The following EBF4 variants were observed in gnomAD, a reference collection of about 807,000 sequenced individuals.
EBF4 encodes the protein transcription factor COE4.
In EBF4, 34 loss-of-function variants were observed where a neutral mutation model predicts 67.1. The observed-to-expected ratio is 0.51, with a 90% CI of 0.39 to 0.67. The LOEUF (loss-of-function observed/expected upper bound fraction) is 0.67. Ranked by LOEUF, EBF4 falls within the 30% of genes least tolerant of loss-of-function variation. EBF4 has a pLI of 0.00. For synonymous variants in EBF4, 387 were observed against 377.7 expected, an observed-to-expected ratio of 1.02 and a Z score of -0.29; for missense variants, 837 against 873.3, an observed-to-expected ratio of 0.96 and a Z score of 0.52.
At chr20:2,741,427 G>C (rs1296244710) in intron 6 of EBF4, among the ~76,000 whole-genome samples, 1 of 152,130 alleles carries the variant, frequency 6.6e-6, no homozygotes, top group Non-Finnish European at 1.5e-5. Flanking sequence ...TGTCTCTTTT[G>C]AGTAAAGCAC....
rs2087932132 is a variant in EBF4 at position 2,739,139 on chromosome 20, C to A, written c.558-9410C>A. Among the ~76,000 whole-genome samples, 1 of 152,298 alleles carries A rather than the reference C, an allele frequency of 6.6e-6. No homozygotes were observed. The highest frequency in any genetic ancestry group is 1.9e-4 in the East Asian group (1 of 5,174). On this transcript the variant is annotated intron_variant, in intron 6 of 16. Transcript: ENST00000609451. This position sits in a 1 kb window ranked among gnomAD's most constrained non-coding sequence, Gnocchi z 4.5. ...TACAGTAAGCTCCTCATTTCCCTTC[C>A]CTTCTCTAGCGTAGGCCCTTTGGTG...
intron 6 of EBF4, among the ~76,000 whole-genome samples, chr20:2,721,577 C>A (rs2087681616): frequency 6.6e-6 from 1 of 152,100 alleles, no homozygotes. Flanking sequence ...GCCTCAGCCT[C>A]CCGAGTAACT....
In EBF4 at chr20:2,745,972, C is replaced by T. The variant is rs1232530168; in HGVS notation, c.558-2577C>T. Among the ~76,000 whole-genome samples, 1 of 152,152 alleles carries T rather than the reference C, an allele frequency of 6.6e-6. No individual in the cohort carries two copies. The highest frequency in any genetic ancestry group is 2.4e-5 in the African/African-American group (1 of 41,392). On this transcript the variant is annotated intron_variant, in intron 6 of 16. Coordinates refer to ENST00000609451, the Ensembl canonical transcript of EBF4. The surrounding 1 kb of genome is among the most constrained non-coding windows in gnomAD (Gnocchi z 5.2). ...AGGTGAGCCTTCAATCCCTTTAGGA[C>T]AGAGACCATGCCCCATCCTGGTGTT...
At chr20:2,725,085 A>T (rs375677437) in intron 6 of EBF4, among the ~76,000 whole-genome samples, 2 of 152,196 alleles carry the variant, frequency 1.3e-5, no homozygotes, top group South Asian at 2.1e-4. Flanking sequence ...ATATCTATGG[A>T]TATACATCTT....
At position 2,755,645 on chromosome 20, in the gene EBF4, C is replaced by A. The variant is rs763788139; in HGVS notation, c.1559C>A (p.Pro520Gln). 1.1e-5 allele frequency: 17 copies of A among 1,540,262 alleles called. No homozygotes were observed. Among genetic ancestry groups the A allele is most frequent in the Admixed American group, 9.8e-5 (5 of 50,962 alleles). Residue 520 changes from proline to glutamine, a missense_variant, in exon 15 of 17, where the codon CCG (proline) becomes CAG (glutamine). Around this residue, in one of 3 missense-constraint regions of EBF4, gnomAD observed 525 missense variants for 496.5 expected, o/e 1.06. Transcript: ENST00000609451. The surrounding 1 kb of genome is among the most constrained non-coding windows in gnomAD (Gnocchi z 4.7). ...CCCGGAGTCATGCCCTCTAGCCCCC[C>A]GCTGGCGGCTGCCTCCTCCATGTCC...
intron 6 of EBF4, among the ~76,000 whole-genome samples, chr20:2,726,897 A>T (rs572970138): frequency 1.3e-5 from 2 of 152,204 alleles, no homozygotes; most frequent in South Asian, 4.2e-4. Flanking sequence ...TCATCTTGCA[A>T]ACCCGAAACT....
intron 6 of EBF4, among the ~76,000 whole-genome samples, chr20:2,737,925 A>T (rs1600231311): frequency 6.6e-6 from 1 of 150,842 alleles, no homozygotes; most frequent in Admixed American, 6.6e-5. Flanking sequence ...AGATCGCGCC[A>T]TTGCACTCCA....
At chr20:2,726,185 G>T (rs1434986850) in intron 6 of EBF4, among the ~76,000 whole-genome samples, 1 of 151,974 alleles carries the variant, frequency 6.6e-6, no homozygotes, top group African/African-American at 2.4e-5. Context: ...AAATGTAATT[G>T]TATGTTTTTC....
chr20:2,708,328 G>T (rs539658996), intron 5 of EBF4, among the ~76,000 whole-genome samples: 1 of 152,238 alleles, frequency 6.6e-6, no homozygotes, highest in African/African-American at 2.4e-5. Flanking sequence ...TGCTGGGGTT[G>T]CGGGAACAGG....
exon 6 of EBF4, chr20:2,709,629 G>A (rs750568027): frequency 6.6e-5 from 102 of 1,553,450 alleles, no homozygotes; most frequent in Middle Eastern, 1.7e-4. Flanking sequence ...CTCAGACCCC[G>A]TCATCATTGA....
intron 6 of EBF4, among the ~76,000 whole-genome samples, chr20:2,721,040 T>G (rs930753534): frequency 1.3e-5 from 2 of 152,204 alleles, no homozygotes; most frequent in African/African-American, 4.8e-5. Flanking sequence ...TTGATTATGA[T>G]GTACATTGAT....
intron 6 of EBF4, among the ~76,000 whole-genome samples, chr20:2,744,006 A>G (rs1279723137): frequency 1.3e-5 from 2 of 151,098 alleles, no homozygotes; most frequent in Non-Finnish European, 2.9e-5. Context: ...CTGCCCCCCA[A>G]CTCACCCTTC....
chr20:2,722,516 T>C (rs969892858), intron 6 of EBF4, among the ~76,000 whole-genome samples: 3 of 152,222 alleles, frequency 2.0e-5, no homozygotes, highest in Admixed American at 2.0e-4. Context: ...ATACTCTTTG[T>C]ATGCAGCTGT....
intron 6 of EBF4, among the ~76,000 whole-genome samples, chr20:2,722,168 C>CAGG (rs995568242): frequency 3.3e-5 from 5 of 152,060 alleles, no homozygotes; most frequent in African/African-American, 9.7e-5. Context: ...CTGAAGTAAC[C>CAGG]AGGACTACAG....
At chr20:2,744,355 A>C (rs1351365524) in intron 6 of EBF4, among the ~76,000 whole-genome samples, 1 of 152,088 alleles carries the variant, frequency 6.6e-6, no homozygotes, top group Non-Finnish European at 1.5e-5. Flanking sequence ...TGCTCCAATC[A>C]ATCAATAGTA....
chr20:2,693,897 C>A lies in EBF4; in HGVS notation c.137+115C>A. The A allele has an allele frequency of 8.2e-7, 1 of 1,212,288 alleles. No individual in the cohort carries two copies. Among genetic ancestry groups the A allele is most frequent in the Non-Finnish European group, 1.0e-6 (1 of 967,588 alleles). The allele number at this position is 1,212,288 out of a possible 1,614,324, so 75.1% of individuals were successfully genotyped here. On this transcript the variant is annotated intron_variant, in intron 1 of 16. Transcript: ENST00000609451. This position sits in a 1 kb window ranked among gnomAD's most constrained non-coding sequence, Gnocchi z 4.6. ...GGAAGGAGCCCTAACTCTGGACGGT[C>A]CCGGCGAGCTCCCCGGCCCACCCCG... is the stretch of plus-strand genomic sequence containing the variant.
chr20:2,694,355 C>A (rs1430609569), intron 1 of EBF4, among the ~76,000 whole-genome samples: 1 of 152,194 alleles, frequency 6.6e-6, no homozygotes, highest in African/African-American at 2.4e-5. Context: ...GGCAGGGCCC[C>A]TGCCTTTCCC....
chr20:2,722,047 C>T (rs1011949960), intron 6 of EBF4, among the ~76,000 whole-genome samples: 5 of 151,988 alleles, frequency 3.3e-5, no homozygotes, highest in Non-Finnish European at 7.4e-5. Flanking sequence ...TCTTTTTGAG[C>T]CTTGGTCTTG....
At chr20:2,743,335 A>C (rs890001507) in intron 6 of EBF4, among the ~76,000 whole-genome samples, 6 of 152,034 alleles carry the variant, frequency 3.9e-5, no homozygotes, top group African/African-American at 1.5e-4. Flanking sequence ...TCCAGGGGAG[A>C]GCCCGGGCAC....
Sources: gnomAD v4.1 joint callset for allele counts (sites outside exome capture counted in the v4.1 genomes callset) on GRCh38, gnomAD v4.1.1 for gene constraint, gnomAD v4.1.1 regional missense constraint, Gnocchi (gnomAD v3.1) non-coding constraint, MANE v1.5 for transcripts, NCBI Gene and HGNC (gene_info 2026-07-23, HGNC 2026-07-21) for gene names.